GRIN2B: variants seen among roughly 807,000 people sequenced by gnomAD.
The protein encoded by GRIN2B is glutamate receptor ionotropic, NMDA 2B.
Under a neutral mutation model 114.5 loss-of-function variants are expected in GRIN2B, and 5 were observed. The ratio of observed to expected loss-of-function variants is 0.04; its 90% CI spans 0.02 to 0.09. The LOEUF (loss-of-function observed/expected upper bound fraction) is 0.09. Among genes scored for constraint, GRIN2B ranks in the 10% least tolerant of loss-of-function variants. The probability of loss-of-function intolerance (pLI) is 1.00; values close to 1 mark genes in which losing one functional copy is unlikely to be tolerated. For synonymous variants in GRIN2B, 787 were observed against 745.1 expected (o/e 1.06, Z -0.92); for missense variants, 1,108 against 1,943.5 (o/e 0.57, Z 8.08).
At chr12:13,891,024 T>G (rs1866253242) in intron 2 of GRIN2B, among the ~76,000 whole-genome samples, 1 of 152,208 alleles carries the variant, frequency 6.6e-6, no homozygotes, top group Non-Finnish European at 1.5e-5. Flanking sequence ...CTATCAGTAT[T>G]AGTGATGCAG....
intron 10 of GRIN2B, among the ~76,000 whole-genome samples, chr12:13,603,383 A>C (rs1355353891): frequency 6.6e-6 from 1 of 152,184 alleles, no homozygotes; most frequent in Non-Finnish European, 1.5e-5. Context: ...AGCATCAAAT[A>C]GCATCAGGGT....
intron 5 of GRIN2B, among the ~76,000 whole-genome samples, chr12:13,651,102 G>C (rs1007731421): frequency 1.3e-5 from 2 of 152,106 alleles, no homozygotes; most frequent in Non-Finnish European, 2.9e-5. Context: ...ATACCTGCCA[G>C]TGCTAGAAGA....
At chr12:13,916,726 C>CAT (rs1253393428) in intron 2 of GRIN2B, among the ~76,000 whole-genome samples, 3 of 41,976 alleles carry the variant, frequency 7.1e-5, no homozygotes, top group South Asian at 1.2e-3. Flanking sequence ...CACACACACA[C>CAT]ACACACACAT....
intron 4 of GRIN2B, among the ~76,000 whole-genome samples, chr12:13,724,314 G>T (rs1862937611): frequency 6.6e-6 from 1 of 152,150 alleles, no homozygotes. Context: ...GCAATGGAAA[G>T]GCCCGGCCAA....
At chr12:13,714,976 C>A (rs966062554) in intron 4 of GRIN2B, among the ~76,000 whole-genome samples, 2 of 151,836 alleles carry the variant, frequency 1.3e-5, no homozygotes. Context: ...TAGGTGCCAA[C>A]CACCTGAAGA....
At chr12:13,929,171 C>G (rs190272631) in intron 2 of GRIN2B, among the ~76,000 whole-genome samples, 3 of 152,250 alleles carry the variant, frequency 2.0e-5, no homozygotes, top group Admixed American at 1.3e-4. Context: ...GAATCATTAT[C>G]AATAATCCTT....
intron 3 of GRIN2B, among the ~76,000 whole-genome samples, chr12:13,836,982 C>T (rs1483425388): frequency 6.6e-6 from 1 of 152,200 alleles, no homozygotes; most frequent in Non-Finnish European, 1.5e-5. Flanking sequence ...GCACTGCTAT[C>T]CCCGGGCTCT....
chr12:13,907,653 GA>G (rs1182338777), intron 2 of GRIN2B, among the ~76,000 whole-genome samples: 1 of 152,120 alleles, frequency 6.6e-6, no homozygotes, highest in Non-Finnish European at 1.5e-5. Context: ...TGGGCATGAA[GA>G]AACTGATTTG....
chr12:13,797,969 G>T (rs1193542941), intron 3 of GRIN2B, among the ~76,000 whole-genome samples: 2 of 152,124 alleles, frequency 1.3e-5, no homozygotes, highest in African/African-American at 4.8e-5. Flanking sequence ...GCAGACTTCA[G>T]TTTGTAAGAA....
chr12:13,682,275 T>TTAAAAA (rs1950137992), intron 4 of GRIN2B, among the ~76,000 whole-genome samples: 6 of 152,188 alleles, frequency 3.9e-5, no homozygotes, highest in Admixed American at 3.9e-4. Context: ...ATGATTCCTT[T>TTAAAAA]GAGATATGTC....
At chr12:13,939,876 C>T (rs1342965478) in intron 2 of GRIN2B, among the ~76,000 whole-genome samples, 1 of 151,956 alleles carries the variant, frequency 6.6e-6, no homozygotes, top group Non-Finnish European at 1.5e-5. Context: ...AGTTTTTAAT[C>T]CAAGAAACAT....
intron 2 of GRIN2B, among the ~76,000 whole-genome samples, chr12:13,871,524 T>C (rs943898379): frequency 6.6e-6 from 1 of 151,660 alleles, no homozygotes; most frequent in Non-Finnish European, 1.5e-5. Flanking sequence ...CAGAGAAAAA[T>C]ACACTTTTAA....
chr12:13,668,495 A>G (rs1203704374), intron 5 of GRIN2B, among the ~76,000 whole-genome samples: 1 of 152,132 alleles, frequency 6.6e-6, no homozygotes, highest in Non-Finnish European at 1.5e-5. Context: ...TGCCTCCTGT[A>G]ATCTCTTTCT....
chr12:13,670,516 T>C (rs1397154731), intron 5 of GRIN2B, among the ~76,000 whole-genome samples: 1 of 152,170 alleles, frequency 6.6e-6, no homozygotes, highest in African/African-American at 2.4e-5. Flanking sequence ...ATCACCATTT[T>C]AGGAACGATT....
At position 13,825,493 on chromosome 12, in the gene GRIN2B, A is replaced by ATATATATATTTTTTT. The variant is rs1555144006; in HGVS notation, c.411+40304_411+40305insAAAAAAATATATATA. 1.6e-3 allele frequency among the ~76,000 whole-genome samples: 44 copies of ATATATATATTTTTTT among 28,126 alleles called. 1 individual carries two copies. Among genetic ancestry groups the ATATATATATTTTTTT allele is most frequent in the South Asian group, 0.013 (11 of 824 alleles). The allele number at this position is 28,126 out of a possible 152,430, so 18.5% of individuals were successfully genotyped here. ...ATATATATATAATAAATATATATAT[A>ATATATATATTTTTTT]TTTTGTGTGTGTGTGTGTGTGTGTG... On this transcript the variant is annotated intron_variant, in intron 3 of 13. Transcript: ENST00000609686.
chr12:13,851,244 C>T (rs780936490), intron 3 of GRIN2B, among the ~76,000 whole-genome samples: 11 of 152,198 alleles, frequency 7.2e-5, no homozygotes, highest in Non-Finnish European at 1.5e-4. Context: ...TGGATTTCAG[C>T]GTCTCTAATT....
rs143915415 is a variant in GRIN2B at position 13,839,596 on chromosome 12, G to T, written c.411+26202C>A. Among the ~76,000 whole-genome samples, 892 of 152,264 alleles carry T rather than the reference G, an allele frequency of 5.9e-3. 4 individuals carry two copies. The highest frequency in any genetic ancestry group is 0.027 in the Middle Eastern group (8 of 294). On this transcript the variant is annotated intron_variant, in intron 3 of 13. Coordinates refer to ENST00000609686, the MANE Select transcript of GRIN2B (RefSeq NM_000834.5). ...TTATTTTATGGACAAAGCAGCTTTGGCTCAGAGAGGTTCAGTGATCTGCCC... is the reference window on the plus strand; with the variant it reads ...TTATTTTATGGACAAAGCAGCTTTGTCTCAGAGAGGTTCAGTGATCTGCCC...
intron 3 of GRIN2B, among the ~76,000 whole-genome samples, chr12:13,810,924 A>G (rs1413737831): frequency 6.6e-6 from 1 of 152,238 alleles, no homozygotes; most frequent in Non-Finnish European, 1.5e-5. Context: ...CTCTACAGAT[A>G]ACCATCTACC....
intron 3 of GRIN2B, among the ~76,000 whole-genome samples, chr12:13,769,452 C>A (rs970047829): frequency 6.6e-6 from 1 of 152,108 alleles, no homozygotes; most frequent in African/African-American, 2.4e-5. Context: ...CTCCCAAGTT[C>A]CCAGGCACGT....
Sources: allele counts gnomAD v4.1 joint callset (sites outside exome capture counted in the v4.1 genomes callset), GRCh38; gene constraint gnomAD v4.1.1; transcripts MANE v1.5; gene names NCBI Gene and HGNC (gene_info 2026-07-23, HGNC 2026-07-21).